SVEP1: variants seen among roughly 807,000 people sequenced by gnomAD.
SVEP1 encodes sushi, von Willebrand factor type A, EGF and pentraxin domain containing 1.
A neutral mutation model predicts 367.3 loss-of-function variants in SVEP1; 164 were observed. The ratio of observed to expected loss-of-function variants is 0.45; its 90% CI spans 0.39 to 0.51. SVEP1 has a LOEUF of 0.51. Among genes scored for constraint, SVEP1 ranks in the 20% least tolerant of loss-of-function variants. The probability of loss-of-function intolerance (pLI) is 0.00; values close to 1 mark genes in which losing one functional copy is unlikely to be tolerated. For missense variants in SVEP1, 4,117 were observed against 4,425.3 expected (o/e 0.93, Z 1.98); for synonymous variants, 1,666 against 1,611.6 (o/e 1.03, Z -0.81).
chr9:110,569,509 GAA>G (rs1167060788), intron 1 of SVEP1, among the ~76,000 whole-genome samples: 1 of 149,270 alleles, frequency 6.7e-6, no homozygotes, highest in Non-Finnish European at 1.5e-5. Context: ...GAGAAATTAA[GAA>G]AAGAGTTCAT....
intron 6 of SVEP1, among the ~76,000 whole-genome samples, chr9:110,500,717 A>C (rs1222854598): frequency 6.6e-6 from 1 of 151,962 alleles, no homozygotes; most frequent in Non-Finnish European, 1.5e-5. Flanking sequence ...CAGTTAAATA[A>C]ATTTTTTTTC....
At chr9:110,503,569 CAGGCTACATTA>C (rs958671219) in intron 5 of SVEP1, among the ~76,000 whole-genome samples, 2 of 152,174 alleles carry the variant, frequency 1.3e-5, no homozygotes, top group African/African-American at 4.8e-5. Context: ...TGTGATTTTT[CAGGCTACATTA>C]CAACAAAAGG....
chr9:110,392,158 T>TATA (rs1554710916), intron 40 of SVEP1, among the ~76,000 whole-genome samples: 1 of 148,602 alleles, frequency 6.7e-6, no homozygotes, highest in Non-Finnish European at 1.5e-5. Context: ...TATATATCTC[T>TATA]TCTCTCTCTC....
intron 8 of SVEP1, among the ~76,000 whole-genome samples, chr9:110,490,037 TAAA>T (rs1422875525): frequency 1.3e-5 from 2 of 152,206 alleles, no homozygotes; most frequent in Non-Finnish European, 2.9e-5. Context: ...ATGTAGTCCT[TAAA>T]ACTTAAGATG....
At chr9:110,548,480 G>T (rs1830246114) in intron 2 of SVEP1, among the ~76,000 whole-genome samples, 1 of 151,936 alleles carries the variant, frequency 6.6e-6, no homozygotes, top group Admixed American at 6.6e-5. Flanking sequence ...TATGAAGTAG[G>T]TACTATTCTC....
chr9:110,552,494 T>C (rs1042853115), intron 1 of SVEP1, among the ~76,000 whole-genome samples: 3 of 152,096 alleles, frequency 2.0e-5, no homozygotes, highest in Non-Finnish European at 2.9e-5. Context: ...TTTTACACTA[T>C]AATATAGAAT....
Position 110,546,184 on chromosome 9 carries a change from G to C in SVEP1, c.895C>G (p.His299Asp). 1 of 1,562,858 alleles carries C rather than the reference G, an allele frequency of 6.4e-7. No homozygotes were observed. The highest frequency in any genetic ancestry group is 8.7e-7 in the Non-Finnish European group (1 of 1,152,910). ...DRMGSCKCGTHTGHFECICEK... is the reference protein window; with the variant it reads ...DRMGSCKCGTDTGHFECICEK... ...CAGATGCACTCAAAATGGCCTGTGT[G>C]TGTCCCACATTTGCAGCTTCCCATT... is the stretch of plus-strand genomic sequence containing the variant. Residue 299 changes from histidine to aspartate, a missense_variant, in exon 3 of 48, where the codon CAC becomes GAC. Physicochemically the swap from His to Asp is moderately conservative, Grantham distance 81. This residue lies in a region of SVEP1 where 2,174 missense variants were observed against 2,494.3 expected (regional missense o/e 0.87). Transcript: ENST00000374469.
At chr9:110,499,298 A>C (rs557465231) in intron 6 of SVEP1, 60 bp from the exon 7 acceptor site, 1 of 1,492,614 alleles carries the variant, frequency 6.7e-7, no homozygotes, top group South Asian at 1.3e-5. Context: ...AATGCCATGG[A>C]TTCTTTTTAC....
chr9:110,504,692 C>T (rs1446835057), intron 5 of SVEP1, among the ~76,000 whole-genome samples: 2 of 151,310 alleles, frequency 1.3e-5, no homozygotes, highest in Non-Finnish European at 2.9e-5. Flanking sequence ...ATTTCTAATT[C>T]CTTCTGCCCA....
Position 110,407,520 on chromosome 9 carries a change from T to TC in SVEP1, c.8079dup (p.Asn2694GlufsTer23). On this transcript the variant is annotated frameshift_variant, in exon 38 of 48. Transcript: ENST00000374469. LOFTEE classifies it high-confidence loss of function. ...TCTTCCTGGCAGATCAGCACAGGGT[T>TC]CCCCAGAAGTTCATATCCTGGATTA... 1 of 1,613,952 alleles carries TC rather than the reference T, an allele frequency of 6.2e-7. No homozygotes were observed. Among genetic ancestry groups the TC allele is most frequent in the Non-Finnish European group, 8.5e-7 (1 of 1,179,876 alleles).
intron 43 of SVEP1, among the ~76,000 whole-genome samples, chr9:110,380,529 CA>C (rs1827418847): frequency 6.6e-6 from 1 of 152,186 alleles, no homozygotes; most frequent in South Asian, 2.1e-4. Context: ...GCCTTGCATC[CA>C]GGGGAAGAAG....
intron 1 of SVEP1, among the ~76,000 whole-genome samples, chr9:110,572,682 C>T (rs978555561): frequency 2.0e-5 from 3 of 149,156 alleles, no homozygotes; most frequent in South Asian, 2.1e-4. Flanking sequence ...GCCAACATGG[C>T]GAAACCTTGT....
intron 5 of SVEP1, among the ~76,000 whole-genome samples, chr9:110,504,934 G>T (rs1450596792): frequency 2.0e-5 from 3 of 152,110 alleles, no homozygotes; most frequent in Non-Finnish European, 4.4e-5. Flanking sequence ...CATTTCCCCG[G>T]CCAGAGAAGT....
rs1437062478 is a variant in SVEP1 at position 110,455,710 on chromosome 9, T to G, written c.3674-7A>C. On this transcript the variant is annotated splice_region_variant and splice_polypyrimidine_tract_variant and intron_variant, in intron 21 of 47. Coordinates refer to ENST00000374469, the MANE Select transcript of SVEP1 (RefSeq NM_153366.4). ...TCTGTTTCACACTTTAAGCCTACAATGTAAACCAAATGCTGAGGGACAATC... is the reference window on the plus strand; with the variant it reads ...TCTGTTTCACACTTTAAGCCTACAAGGTAAACCAAATGCTGAGGGACAATC... 6.2e-7 allele frequency: 1 copy of G among 1,604,736 alleles called. No individual in the cohort carries two copies. The highest frequency in any genetic ancestry group is 1.7e-5 in the Admixed American group (1 of 58,624).
intron 24 of SVEP1, among the ~76,000 whole-genome samples, chr9:110,449,352 A>G (rs1828656217): frequency 6.6e-6 from 1 of 152,228 alleles, no homozygotes; most frequent in Non-Finnish European, 1.5e-5. Context: ...CTAAAAAAAA[A>G]AGTTTGAAAA....
intron 3 of SVEP1, among the ~76,000 whole-genome samples, chr9:110,541,775 ATATCTATATACATAGATATCTATATAT>A (rs1830148736): frequency 1.4e-5 from 2 of 147,022 alleles, no homozygotes; most frequent in African/African-American, 5.0e-5. Flanking sequence ...ATATCTATAT[ATATCTATATACATAGATATCTATATAT>A]ATCTATATAC....
rs1588014118 is a variant in SVEP1, at chr9:110,366,698, TG to T, written c.10695-139del. The T allele has an allele frequency of 1.1e-5, 8 of 731,356 alleles. No individual in the cohort carries two copies. The East Asian group carries it at 2.2e-4, about 20-fold the overall frequency. 45.3% of individuals were successfully genotyped at this position (731,356 alleles called of 1,614,324 possible). On this transcript the variant is annotated intron_variant, in intron 47 of 47. Transcript: ENST00000374469. The stretch of plus-strand genomic sequence containing the variant: ...GCATTATCTGTGATGTTTATACGGA[TG>T]GGGGTCATTCTTTGAGATAACTAAG...
chr9:110,426,897 T>TA (rs1828261471), intron 36 of SVEP1, among the ~76,000 whole-genome samples: 5 of 152,224 alleles, frequency 3.3e-5, no homozygotes, highest in Non-Finnish European at 5.9e-5. Flanking sequence ...CTGAACTTTA[T>TA]TATCTTTTTT....
chr9:110,539,444 A>G (rs548266008), intron 3 of SVEP1, among the ~76,000 whole-genome samples: 1 of 152,220 alleles, frequency 6.6e-6, no homozygotes, highest in South Asian at 2.1e-4. Flanking sequence ...CATTAAACAG[A>G]GTACAGTATG....
Sources: allele counts gnomAD v4.1 joint callset (sites outside exome capture counted in the v4.1 genomes callset), GRCh38; gene constraint gnomAD v4.1.1; regional missense constraint gnomAD v4.1.1; transcripts MANE v1.5; gene names NCBI Gene and HGNC (gene_info 2026-07-23, HGNC 2026-07-21).